OCLN: variants seen among roughly 807,000 people sequenced by gnomAD.
The protein encoded by OCLN is occludin, also known as phosphatase 1, regulatory subunit 115.
OCLN carries 21 observed loss-of-function variants against 47.9 expected under a neutral mutation model. The observed-to-expected ratio is 0.44, with a 90% CI of 0.31 to 0.63. The LOEUF is 0.63. Ranked by LOEUF, OCLN falls within the 30% of genes least tolerant of loss-of-function variation. The probability of loss-of-function intolerance (pLI) is 0.08; values close to 1 mark genes in which losing one functional copy is unlikely to be tolerated. For missense variants in OCLN, 360 were observed against 571.0 expected (o/e 0.63, Z 3.77); for synonymous variants, 117 against 198.4 (o/e 0.59, Z 3.45).
intron 1 of OCLN, among the ~76,000 whole-genome samples, chr5:69,495,977 GATTT>G (rs1768276366): frequency 6.6e-6 from 1 of 151,970 alleles, no homozygotes; most frequent in Non-Finnish European, 1.5e-5. Flanking sequence ...TCACCTGGAA[GATTT>G]ATTAAAAATA....
Position 69,514,122 on chromosome 5 carries a change from A to G in OCLN, c.891+13A>G. ...TGTCGAGGAGTGGGTAAGTGTTAAA[A>G]AATAACTTTACATCTTTTATTAAAG... On this transcript the variant is annotated intron_variant, in intron 4 of 8. Transcript: ENST00000396442. 2 of 1,612,118 alleles carry G rather than the reference A, an allele frequency of 1.2e-6. No individual in the cohort carries two copies. The highest frequency in any genetic ancestry group is 1.7e-6 in the Non-Finnish European group (2 of 1,178,226).
chr5:69,507,451 T>C (rs1768638467), intron 2 of OCLN, among the ~76,000 whole-genome samples: 1 of 152,178 alleles, frequency 6.6e-6, no homozygotes, highest in Admixed American at 6.5e-5. Flanking sequence ...TTTAAAACTT[T>C]ATGTAAATAT....
At chr5:69,522,347 T>A (rs1277859921) in intron 4 of OCLN, among the ~76,000 whole-genome samples, 4 of 152,234 alleles carry the variant, frequency 2.6e-5, no homozygotes, top group Admixed American at 2.6e-4. Flanking sequence ...CATTTTAACA[T>A]CCTTGATTGG....
chr5:69,547,502 T>G (rs1580593953), intron 6 of OCLN, among the ~76,000 whole-genome samples: 2 of 109,904 alleles, frequency 1.8e-5, no homozygotes, highest in Admixed American at 9.8e-5. Context: ...ACCCGGGAGG[T>G]GGAGGTTGCA....
chr5:69,502,060 G>A (rs374620192), intron 1 of OCLN, among the ~76,000 whole-genome samples: 19 of 152,168 alleles, frequency 1.2e-4, no homozygotes, highest in East Asian at 1.2e-3. Context: ...TTAGCCGGGC[G>A]TGGCAGCGTG....
chr5:69,519,859 A>G (rs1398480109), intron 4 of OCLN, among the ~76,000 whole-genome samples: 1 of 152,154 alleles, frequency 6.6e-6, no homozygotes, highest in Non-Finnish European at 1.5e-5. Flanking sequence ...CATTCCGCCA[A>G]TACTGTTTTC....
In OCLN at chr5:69,493,937, C is replaced by T. The variant is rs1768218503; in HGVS notation, c.-69+1037C>T. On this transcript the variant is annotated intron_variant, in intron 1 of 8. Coordinates refer to ENST00000396442, the MANE Select transcript of OCLN (RefSeq NM_001205254.2). This position sits in a 1 kb window ranked among gnomAD's most constrained non-coding sequence, Gnocchi z 5.3. The stretch of plus-strand genomic sequence containing the variant: ...AGCCGCGGCATCCTTAGGCCGGACC[C>T]GGGGCTCGCTGGCCACACTGCCCGC... Among the ~76,000 whole-genome samples the T allele has an allele frequency of 6.6e-6, 1 of 152,200 alleles. No individual in the cohort carries two copies. The highest frequency in any genetic ancestry group is 1.5e-5 in the Non-Finnish European group (1 of 68,038).
intron 1 of OCLN, among the ~76,000 whole-genome samples, chr5:69,498,391 G>A (rs1768362105): frequency 6.6e-6 from 1 of 152,096 alleles, no homozygotes. Context: ...CTACTCAGGA[G>A]GCTGAGGTGG....
At chr5:69,502,278 G>A (rs1022215989) in intron 1 of OCLN, 38 of 141,840 alleles carry the variant, frequency 2.7e-4, no homozygotes, top group African/African-American at 9.3e-4. Context: ...ATATATTAAT[G>A]TATGATTGTA....
intron 7 of OCLN, among the ~76,000 whole-genome samples, chr5:69,548,402 C>T (rs1769766287): frequency 1.3e-5 from 2 of 150,010 alleles, no homozygotes; most frequent in African/African-American, 4.9e-5. Context: ...CAAGCTCTGC[C>T]TCCCGGGTTC....
At chr5:69,521,842 CCTATTCT>C (rs1769146353) in intron 4 of OCLN, among the ~76,000 whole-genome samples, 1 of 152,142 alleles carries the variant, frequency 6.6e-6, no homozygotes, top group East Asian at 1.9e-4. Context: ...ATGCTTATTT[CCTATTCT>C]TCATCACTTG....
chr5:69,504,276 C>T lies in OCLN; in HGVS notation c.32C>T (p.Pro11Leu). The T allele has an allele frequency of 6.2e-7, 1 of 1,603,338 alleles. No individual in the cohort carries two copies. The highest frequency in any genetic ancestry group is 8.5e-7 in the Non-Finnish European group (1 of 1,170,256). ...TCCAGGCCTCTTGAAAGTCCACCTC[C>T]TTACAGGCCTGATGAATTGTAAGTA... MSSRPLESPPPYRPDEFKPNH... is the reference protein window; with the variant it reads MSSRPLESPPLYRPDEFKPNH... The change falls in exon 2 of 9, where the codon CCT becomes CTT. Residue 11 changes from proline (P) to leucine (L), a missense_variant. Physicochemically the swap from Pro to Leu is moderately conservative, Grantham distance 98. This residue lies in a region of OCLN where 314 missense variants were observed against 368.1 expected (regional missense o/e 0.85). Transcript: ENST00000396442.
chr5:69,529,269 C>G (rs1769366008), intron 4 of OCLN, among the ~76,000 whole-genome samples: 1 of 152,128 alleles, frequency 6.6e-6, no homozygotes, highest in South Asian at 2.1e-4. Flanking sequence ...CTGTTGGCAT[C>G]CCACAGGGGT....
rs140920381 is a variant in OCLN, at chr5:69,507,160, A to T, written c.51-1981A>T. On this transcript the variant is annotated intron_variant, in intron 2 of 8. Transcript: ENST00000396442. ...TTTTATTTATTTATTTTTGAGACAG[A>T]CTCTCACTTTGTTGCCCAGGCTGGA... Among the ~76,000 whole-genome samples, 43 of 152,206 alleles carry T rather than the reference A, an allele frequency of 2.8e-4. No individual in the cohort carries two copies. The East Asian group carries it at 7.9e-3, about 28-fold the overall frequency.
chr5:69,532,359 C>T lies in OCLN; in HGVS notation c.892-2335C>T, dbSNP rs115136357. 1.4e-3 allele frequency among the ~76,000 whole-genome samples: 217 copies of T among 152,210 alleles called. 2 individuals are homozygous for T. Among genetic ancestry groups the T allele is most frequent in the African/African-American group, 1.9e-3 (79 of 41,530 alleles). On this transcript the variant is annotated intron_variant, in intron 4 of 8. Transcript: ENST00000396442. ...AAGAGGTCTTCCCATCTCAGCCTCC[C>T]GAGTAGCTGGCACTACAAGCACACG...
intron 4 of OCLN, among the ~76,000 whole-genome samples, chr5:69,515,312 G>A (rs1465502908): frequency 2.3e-5 from 3 of 128,094 alleles, no homozygotes; most frequent in East Asian, 2.5e-4. Context: ...CGGATGGGGC[G>A]GCTGGCCGGG....
At chr5:69,532,719 G>A (rs1307197359) in intron 4 of OCLN, among the ~76,000 whole-genome samples, 1 of 152,092 alleles carries the variant, frequency 6.6e-6, no homozygotes, top group Non-Finnish European at 1.5e-5. Context: ...TGTAATCCCA[G>A]CACTTTGGGA....
At chr5:69,499,795 C>G (rs1768404637) in intron 1 of OCLN, among the ~76,000 whole-genome samples, 2 of 152,108 alleles carry the variant, frequency 1.3e-5, no homozygotes, top group Admixed American at 1.3e-4. Flanking sequence ...CTATGTTGAC[C>G]AGGATGGTCT....
At chr5:69,521,150 C>T (rs1425332531) in intron 4 of OCLN, among the ~76,000 whole-genome samples, 1 of 152,134 alleles carries the variant, frequency 6.6e-6, no homozygotes, top group African/African-American at 2.4e-5. Context: ...TTATTTTAAA[C>T]CCAAAAATTG....
Sources: allele counts gnomAD v4.1 joint callset (sites outside exome capture counted in the v4.1 genomes callset), GRCh38; gene constraint gnomAD v4.1.1; regional missense constraint gnomAD v4.1.1; non-coding constraint Gnocchi (gnomAD v3.1); transcripts MANE v1.5; gene names NCBI Gene and HGNC (gene_info 2026-07-23, HGNC 2026-07-21).